The following PAM variants were observed in gnomAD, a reference collection of about 807,000 sequenced individuals.
The protein encoded by PAM is peptidyl-glycine alpha-amidating monooxygenase.
A neutral mutation model predicts 122.1 loss-of-function variants in PAM; 72 were observed. That is an observed-to-expected ratio of 0.59 (90% CI 0.49 to 0.72). The LOEUF is 0.72. Among genes scored for constraint, PAM ranks in the 30% least tolerant of loss-of-function variants. The probability of loss-of-function intolerance (pLI) is 0.00; values close to 1 mark genes in which losing one functional copy is unlikely to be tolerated. For missense variants in PAM, 1,106 were observed against 1,183.7 expected (o/e 0.93, Z 0.96); for synonymous variants, 389 against 404.4 (o/e 0.96, Z 0.46).
chr5:102,901,965 T>G (rs991994654), intron 4 of PAM, among the ~76,000 whole-genome samples: 2 of 151,606 alleles, frequency 1.3e-5, no homozygotes, highest in African/African-American at 4.8e-5. Flanking sequence ...AATGACAGAT[T>G]CTTCCCCAAC....
intron 1 of PAM, among the ~76,000 whole-genome samples, chr5:102,784,686 A>G (rs1760016435): frequency 6.6e-6 from 1 of 152,224 alleles, no homozygotes; most frequent in African/African-American, 2.4e-5. Flanking sequence ...GTTGAATTGA[A>G]TTGATGTTAA....
intron 3 of PAM, chr5:102,873,363 G>A (rs1449499667): frequency 1.3e-5 from 2 of 152,150 alleles, no homozygotes; most frequent in Non-Finnish European, 2.9e-5. Context: ...GGCACCAGCT[G>A]GTGGGATATC....
chr5:102,792,211 T>G (rs1475790221), intron 1 of PAM, among the ~76,000 whole-genome samples: 2 of 152,160 alleles, frequency 1.3e-5, no homozygotes, highest in Non-Finnish European at 2.9e-5. Flanking sequence ...TTAATGTGTG[T>G]GTATATGTGG....
At chr5:103,020,821 TAAG>T (rs1315266134) in intron 23 of PAM, among the ~76,000 whole-genome samples, 2 of 151,950 alleles carry the variant, frequency 1.3e-5, no homozygotes, top group African/African-American at 2.4e-5. Context: ...TGCAGACAGA[TAAG>T]AAAATATAGC....
At chr5:103,006,271 T>A (rs936055627) in intron 18 of PAM, among the ~76,000 whole-genome samples, 2 of 152,170 alleles carry the variant, frequency 1.3e-5, no homozygotes, top group Non-Finnish European at 2.9e-5. Context: ...CTTATTTTTT[T>A]ATGTTTTTTT....
chr5:102,816,329 C>G (rs911182601), intron 1 of PAM, among the ~76,000 whole-genome samples: 1 of 152,138 alleles, frequency 6.6e-6, no homozygotes, highest in Admixed American at 6.6e-5. Flanking sequence ...AAGGCATTCT[C>G]TGCCTCAAGG....
chr5:102,864,283 C>A (rs1246225751), intron 1 of PAM, among the ~76,000 whole-genome samples: 1 of 151,088 alleles, frequency 6.6e-6, no homozygotes, highest in Non-Finnish European at 1.5e-5. Flanking sequence ...GCCTTCCTGC[C>A]AATTGTTTCT....
intron 15 of PAM, among the ~76,000 whole-genome samples, chr5:102,977,241 G>C (rs1767971438): frequency 1.3e-5 from 2 of 152,120 alleles, no homozygotes; most frequent in South Asian, 2.1e-4. Flanking sequence ...GTTTGGTCAG[G>C]ATTCCACTTG....
At chr5:102,869,383 T>C (rs559159315) in intron 3 of PAM, among the ~76,000 whole-genome samples, 1 of 146,394 alleles carries the variant, frequency 6.8e-6, no homozygotes, top group South Asian at 2.1e-4. Flanking sequence ...GCAGAGAGAT[T>C]GAAAGAATGT....
intron 5 of PAM, among the ~76,000 whole-genome samples, chr5:102,924,630 G>A (rs990465175): frequency 6.6e-6 from 1 of 151,800 alleles, no homozygotes; most frequent in Admixed American, 6.6e-5. Flanking sequence ...TATACAGACC[G>A]TCTATGTAAT....
chr5:102,880,379 T>C (rs1282159097), intron 3 of PAM, among the ~76,000 whole-genome samples: 1 of 152,078 alleles, frequency 6.6e-6, no homozygotes, highest in Non-Finnish European at 1.5e-5. Flanking sequence ...GAAGAGAATA[T>C]AAATTCTTTC....
chr5:102,898,465 T>C (rs568067196), intron 3 of PAM, among the ~76,000 whole-genome samples: 2 of 151,794 alleles, frequency 1.3e-5, no homozygotes, highest in African/African-American at 4.8e-5. Flanking sequence ...ATAGGAAGAC[T>C]ATTATAATGG....
In PAM at chr5:102,953,385, G is replaced by A. The variant is rs149813515; in HGVS notation, c.905+2565G>A. ...AATACTATTTAGCCTTTACAAGGAG[G>A]GGGGGGAATCCTGTCATTTGTGACA... On this transcript the variant is annotated intron_variant, in intron 12 of 25. Transcript: ENST00000438793. 1.6e-3 allele frequency among the ~76,000 whole-genome samples: 236 copies of A among 152,006 alleles called. 2 individuals carry two copies. Among genetic ancestry groups the A allele is most frequent in the African/African-American group, 5.2e-3 (217 of 41,368 alleles).
intron 15 of PAM, among the ~76,000 whole-genome samples, chr5:102,981,647 T>A (rs1769912781): frequency 6.6e-6 from 1 of 152,214 alleles, no homozygotes; most frequent in African/African-American, 2.4e-5. Flanking sequence ...CCTTGAAGAA[T>A]TCTGTCTAGT....
intron 1 of PAM, among the ~76,000 whole-genome samples, chr5:102,841,632 G>A (rs1244703002): frequency 6.6e-6 from 1 of 152,168 alleles, no homozygotes; most frequent in Non-Finnish European, 1.5e-5. Context: ...TAACTTTACA[G>A]ATGAACATAA....
chr5:103,014,331 G>A (rs1020047511), intron 21 of PAM, among the ~76,000 whole-genome samples: 1 of 152,120 alleles, frequency 6.6e-6, no homozygotes, highest in Non-Finnish European at 1.5e-5. Flanking sequence ...CAGATGTTAG[G>A]CAAAGAATGA....
At chr5:102,847,834 A>G (rs955207478) in intron 1 of PAM, among the ~76,000 whole-genome samples, 2 of 152,220 alleles carry the variant, frequency 1.3e-5, no homozygotes, top group African/African-American at 4.8e-5. Flanking sequence ...ATCTTTAAAT[A>G]CACACTACAT....
rs1022609847 is a variant in PAM at position 102,866,002 on chromosome 5, C to T, written c.-194C>T. The T allele has an allele frequency of 1.3e-5, 6 of 453,782 alleles. No individual in the cohort carries two copies. The highest frequency in any genetic ancestry group is 2.3e-5 in the Non-Finnish European group (6 of 261,708). 28.1% of individuals were successfully genotyped at this position (453,782 alleles called of 1,614,324 possible). ...CCGCCTGCCCACGGCTTTTTGCCCGCCGCTCGTGACCGAGACGCCTCGCCG... is the reference window on the plus strand; with the variant it reads ...CCGCCTGCCCACGGCTTTTTGCCCGTCGCTCGTGACCGAGACGCCTCGCCG... On this transcript the variant is annotated 5_prime_UTR_variant, in exon 2 of 26. Coordinates refer to ENST00000438793, the MANE Select transcript of PAM (RefSeq NM_001177306.2).
At position 103,001,195 on chromosome 5, in the gene PAM, A is replaced by G. The variant is rs75613965; in HGVS notation, c.1614-1838A>G. 2.3e-3 allele frequency among the ~76,000 whole-genome samples: 356 copies of G among 152,290 alleles called. 3 individuals carry two copies. The highest frequency in any genetic ancestry group is 8.4e-3 in the African/African-American group (350 of 41,574). On this transcript the variant is annotated intron_variant, in intron 16 of 25. Transcript: ENST00000438793. ...TTATTAATGGTTGAATCCAGTACCT[A>G]TGTTTTTCAGAGGAATAGTTATGAT...
Sources: allele counts gnomAD v4.1 joint callset (sites outside exome capture counted in the v4.1 genomes callset), GRCh38; gene constraint gnomAD v4.1.1; transcripts MANE v1.5; gene names NCBI Gene and HGNC (gene_info 2026-07-23, HGNC 2026-07-21).